PRLR: variants seen among roughly 807,000 people sequenced by gnomAD.
PRLR encodes prolactin receptor, also known as hPRL receptor.
PRLR carries 13 observed loss-of-function variants against 40.2 expected under a neutral mutation model. The ratio of observed to expected loss-of-function variants is 0.32; its 90% CI spans 0.21 to 0.51. The LOEUF (loss-of-function observed/expected upper bound fraction) is 0.51. PRLR is among the 20% of genes least tolerant of loss of function. The pLI is 0.97. For synonymous variants in PRLR, 269 were observed against 278.7 expected (o/e 0.97, Z 0.35); for missense variants, 656 against 747.3 (o/e 0.88, Z 1.42).
At chr5:35,153,571 G>T (rs969902027) in intron 1 of PRLR, among the ~76,000 whole-genome samples, 2 of 152,154 alleles carry the variant, frequency 1.3e-5, no homozygotes, top group African/African-American at 2.4e-5. Flanking sequence ...GCAAATAGAG[G>T]AAGTGATTTG....
At chr5:35,071,086 G>T (rs1318184048) in intron 6 of PRLR, among the ~76,000 whole-genome samples, 1 of 152,124 alleles carries the variant, frequency 6.6e-6, no homozygotes, top group African/African-American at 2.4e-5. Context: ...CAACCAGATA[G>T]TTTTTGACAT....
At position 35,173,828 on chromosome 5, in the gene PRLR, T is replaced by C. The variant is rs115876796; in HGVS notation, c.-105-55706A>G. 3.8e-3 allele frequency among the ~76,000 whole-genome samples: 584 copies of C among 152,326 alleles called. 6 individuals are homozygous for C. Among genetic ancestry groups the C allele is most frequent in the African/African-American group, 0.013 (548 of 41,574 alleles). ...TTTTTTTTGTTGTTGTTTCTTTTCT[T>C]TTCTTTTTACTTTTTTTATTATACT... On this transcript the variant is annotated intron_variant, in intron 1 of 9. Transcript: ENST00000618457.
Position 35,066,003 on chromosome 5 carries a change from C to T in PRLR, c.955G>A (p.Asp319Asn). The change falls in exon 10 of 10, where the codon GAT becomes AAT. Residue 319 changes from aspartate to asparagine, a missense_variant. Asp to Asn is a conservative substitution (Grantham distance 23). This residue lies in a region of PRLR where 469 missense variants were observed against 491.5 expected (regional missense o/e 0.95). Coordinates refer to ENST00000618457, the MANE Select transcript of PRLR (RefSeq NM_000949.7). ...GACATTAGATGCTGGTCCTCACTATCATCTACTTCTAAATACTCCACCAGC... is the reference window on the plus strand; with the variant it reads ...GACATTAGATGCTGGTCCTCACTATTATCTACTTCTAAATACTCCACCAGC... ...DLLVEYLEVDDSEDQHLMSVH... is the reference protein window; with the variant it reads ...DLLVEYLEVDNSEDQHLMSVH... 1 of 1,614,166 alleles carries T rather than the reference C, an allele frequency of 6.2e-7. No homozygotes were observed. The highest frequency in any genetic ancestry group is 8.5e-7 in the Non-Finnish European group (1 of 1,180,010).
chr5:35,162,165 A>C (rs1338091260), intron 1 of PRLR, among the ~76,000 whole-genome samples: 1 of 152,234 alleles, frequency 6.6e-6, no homozygotes, highest in African/African-American at 2.4e-5. Context: ...TTCCAGTAAC[A>C]AAAGACTTGT....
At chr5:35,083,241 C>G (rs1770631240) in intron 5 of PRLR, among the ~76,000 whole-genome samples, 1 of 152,086 alleles carries the variant, frequency 6.6e-6, no homozygotes, top group Non-Finnish European at 1.5e-5. Flanking sequence ...GAACATTGTC[C>G]CTGCTTCACC....
chr5:35,065,835 A>G lies in PRLR; in HGVS notation c.1123T>C (p.Tyr375His), dbSNP rs1769334091. 1.2e-6 allele frequency: 2 copies of G among 1,614,032 alleles called. No individual in the cohort carries two copies. The highest frequency in any genetic ancestry group is 1.7e-6 in the Non-Finnish European group (2 of 1,180,032). ...GGCTTCTCAATGACCTCAGGATCAT[A>G]GAATGTGGAGGGATTGGCCTGGGGT... ...EEPQANPSTF[Y>H]DPEVIEKPEN... is the part of the protein sequence containing the mutation. The change falls in exon 10 of 10, where the codon TAT (tyrosine) becomes CAT (histidine). Residue 375 changes from tyrosine to histidine, a missense_variant. By Grantham distance (83) the Tyr-to-His change is moderately conservative. This residue lies in a region of PRLR where 469 missense variants were observed against 491.5 expected (regional missense o/e 0.95). Coordinates refer to ENST00000618457, the MANE Select transcript of PRLR (RefSeq NM_000949.7).
chr5:35,086,846 A>G (rs564175406), intron 3 of PRLR, among the ~76,000 whole-genome samples: 1 of 152,134 alleles, frequency 6.6e-6, no homozygotes, highest in African/African-American at 2.4e-5. Context: ...TCAGCTCACC[A>G]ATCTCCATCT....
At chr5:35,159,320 G>GA (rs34465230) in intron 1 of PRLR, among the ~76,000 whole-genome samples, 1,897 of 137,406 alleles carry the variant, frequency 0.014, 44 homozygotes, top group African/African-American at 0.051. Flanking sequence ...ATCAAGATAG[G>GA]AAAAAAAAAA....
At chr5:35,119,420 T>G (rs1168203038) in intron 1 of PRLR, among the ~76,000 whole-genome samples, 1 of 148,218 alleles carries the variant, frequency 6.7e-6, no homozygotes, top group Non-Finnish European at 1.5e-5. Context: ...ACACACCACT[T>G]TCTCAACATT....
chr5:35,081,965 TG>T, intron 5 of PRLR: 1 of 191,692 alleles, frequency 5.2e-6, no homozygotes, highest in East Asian at 1.3e-4. Context: ...AGCAACAGGG[TG>T]GTGGACTCAT....
At chr5:35,088,509 T>C (rs188491872) in intron 3 of PRLR, among the ~76,000 whole-genome samples, 2 of 152,346 alleles carry the variant, frequency 1.3e-5, no homozygotes, top group African/African-American at 4.8e-5. Flanking sequence ...TTCTGACCTC[T>C]GCTTTCCCCT....
At position 35,141,236 on chromosome 5, in the gene PRLR, G is replaced by GAA. The variant is rs368097359; in HGVS notation, c.-105-23116_-105-23115dup. On this transcript the variant is annotated intron_variant, in intron 1 of 9. Transcript: ENST00000618457. ...CTTACATCTGGATTCCTTAATACCT[G>GAA]AAAAAAAAAAACAAACCCCTAATGT... Among the ~76,000 whole-genome samples the GAA allele has an allele frequency of 8.1e-3, 1,149 of 141,374 alleles. 15 individuals carry two copies. The highest frequency in any genetic ancestry group is 0.028 in the African/African-American group (1,060 of 38,268). The allele number at this position is 141,374 out of a possible 152,430, so 92.7% of individuals were successfully genotyped here. A position where few individuals can be genotyped will look rare whatever the true frequency, so the allele number is the denominator to read the frequency against.
chr5:35,083,598 C>T (rs572135667), intron 5 of PRLR, among the ~76,000 whole-genome samples: 2 of 151,240 alleles, frequency 1.3e-5, no homozygotes, highest in Non-Finnish European at 2.9e-5. Flanking sequence ...TGGCTCACTG[C>T]AACCTCCACC....
In PRLR at chr5:35,089,581, G is replaced by A; in HGVS notation, c.40C>T (p.Leu14=). ...AGAAGGCAGGTGTTGAGAAAAAGTA[G>A]CAGAGTGAAAACGGTTGCAGATGCC... The part of the protein sequence containing the change: ...NVASATVFTL[L]LFLNTCLLNG... The change falls in exon 3 of 10, where the codon CTA becomes TTA. Residue 14 remains leucine (L), a synonymous_variant. Transcript: ENST00000618457. 6.2e-7 allele frequency: 1 copy of A among 1,613,796 alleles called. No homozygotes were observed. The highest frequency in any genetic ancestry group is 8.5e-7 in the Non-Finnish European group (1 of 1,179,662).
At chr5:35,089,494 C>T in intron 3 of PRLR, 57 bp downstream of exon 3, 1 of 1,233,318 alleles carries the variant, frequency 8.1e-7, no homozygotes, top group Non-Finnish European at 1.2e-6. Context: ...ATGGACTCTC[C>T]ACCCTGTTGA....
chr5:35,229,841 C>T (rs533732901), intron 1 of PRLR, among the ~76,000 whole-genome samples: 13 of 152,224 alleles, frequency 8.5e-5, no homozygotes, highest in East Asian at 7.7e-4. Flanking sequence ...CGCCCCTTCC[C>T]CCTCCCCGCT....
At chr5:35,179,515 G>A (rs141307798) in intron 1 of PRLR, among the ~76,000 whole-genome samples, 1 of 152,358 alleles carries the variant, frequency 6.6e-6, no homozygotes, top group Non-Finnish European at 1.5e-5. Context: ...ATAAGCAAGT[G>A]AGCAGGTACA....
chr5:35,190,989 C>G (rs1357480642), intron 1 of PRLR, among the ~76,000 whole-genome samples: 2 of 149,618 alleles, frequency 1.3e-5, no homozygotes, highest in African/African-American at 4.9e-5. Context: ...ATGACCAAAA[C>G]AAAGCCCCTA....
intron 3 of PRLR, among the ~76,000 whole-genome samples, chr5:35,088,110 G>A (rs1480310615): frequency 6.6e-6 from 1 of 152,210 alleles, no homozygotes; most frequent in Non-Finnish European, 1.5e-5. Context: ...GAGCTGGCCA[G>A]AAAGAGGAAT....
Sources: allele counts gnomAD v4.1 joint callset (sites outside exome capture counted in the v4.1 genomes callset), GRCh38; gene constraint gnomAD v4.1.1; regional missense constraint gnomAD v4.1.1; transcripts MANE v1.5; gene names NCBI Gene and HGNC (gene_info 2026-07-23, HGNC 2026-07-21).